Variants in SNX29 observed in about 807,000 individuals in gnomAD.
SNX29 encodes the protein sorting nexin-29.
A neutral mutation model predicts 102.1 loss-of-function variants in SNX29; 78 were observed. The ratio of observed to expected loss-of-function variants is 0.76; its 90% CI spans 0.64 to 0.92. SNX29 has a LOEUF of 0.92. SNX29 is among the 40% of genes least tolerant of loss of function. SNX29 has a pLI of 0.00. For synonymous variants in SNX29, 580 were observed against 414.5 expected (o/e 1.40, Z -4.85); for missense variants, 1,280 against 1,061.7 (o/e 1.21, Z -2.86).
At chr16:12,427,916 A>C (rs2151615293) in intron 18 of SNX29, among the ~76,000 whole-genome samples, 1 of 152,196 alleles carries the variant, frequency 6.6e-6, no homozygotes, top group Non-Finnish European at 1.5e-5. Context: ...AAGCACTTAA[A>C]CTCCAATTTA....
chr16:12,511,664 T>G (rs2089626587), intron 19 of SNX29, among the ~76,000 whole-genome samples: 1 of 152,176 alleles, frequency 6.6e-6, no homozygotes, highest in Non-Finnish European at 1.5e-5. Context: ...GTTCTAACAT[T>G]TAGCAGTTTA....
At chr16:12,458,290 C>G (rs1336594419) in intron 18 of SNX29, among the ~76,000 whole-genome samples, 1 of 152,072 alleles carries the variant, frequency 6.6e-6, no homozygotes, top group Non-Finnish European at 1.5e-5. Context: ...TTATTTAAAA[C>G]CTCTTAAATG....
chr16:12,314,694 T>G (rs892283605), intron 15 of SNX29, among the ~76,000 whole-genome samples: 10 of 152,268 alleles, frequency 6.6e-5, no homozygotes, highest in Admixed American at 5.2e-4. Flanking sequence ...ATTCTACAGC[T>G]TGGTGGATTT....
At chr16:12,239,158 TGAAG>T (rs1747178347) in intron 14 of SNX29, among the ~76,000 whole-genome samples, 1 of 152,192 alleles carries the variant, frequency 6.6e-6, no homozygotes, top group South Asian at 2.1e-4. Context: ...GCTTCTGTGA[TGAAG>T]GAAGAAGGAG....
intron 8 of SNX29, among the ~76,000 whole-genome samples, chr16:12,058,635 A>G (rs1331862357): frequency 6.6e-6 from 1 of 150,966 alleles, no homozygotes; most frequent in Admixed American, 6.6e-5. Flanking sequence ...CTGGGATTAC[A>G]AGCACCCACC....
chr16:12,004,426 G>T (rs1281113884), intron 3 of SNX29, among the ~76,000 whole-genome samples: 1 of 152,102 alleles, frequency 6.6e-6, no homozygotes, highest in African/African-American at 2.4e-5. Context: ...GATAACATTG[G>T]CTGGAAGGAG....
intron 3 of SNX29, among the ~76,000 whole-genome samples, chr16:12,004,256 G>A (rs1002624650): frequency 2.7e-5 from 4 of 150,004 alleles, no homozygotes; most frequent in Non-Finnish European, 4.4e-5. Context: ...CAGGAGAATT[G>A]CCTAAATCCA....
At chr16:12,081,875 A>G (rs1028724908) in intron 11 of SNX29, 1 of 152,752 alleles carries the variant, frequency 6.5e-6, no homozygotes, top group Non-Finnish European at 1.5e-5. Flanking sequence ...CCTTGGTCCT[A>G]TGCAAAGGCA....
At chr16:12,426,210 T>A (rs186697164) in intron 18 of SNX29, among the ~76,000 whole-genome samples, 1 of 152,200 alleles carries the variant, frequency 6.6e-6, no homozygotes, top group Non-Finnish European at 1.5e-5. Flanking sequence ...AAGTTTATTA[T>A]TCATCTGTTT....
intron 4 of SNX29, chr16:12,038,838 G>A (rs1270391550): frequency 6.6e-5 from 10 of 152,182 alleles, no homozygotes; most frequent in African/African-American, 9.7e-5. Context: ...AATGGTCTGG[G>A]GTATTTCGAA....
intron 20 of SNX29, chr16:12,526,615 G>T (rs140366721): frequency 3.8e-6 from 2 of 532,766 alleles, no homozygotes; most frequent in South Asian, 1.5e-5. Flanking sequence ...TCCTCTTAGC[G>T]GCATCCCCAT....
chr16:12,402,028 C>G (rs1199721759), intron 17 of SNX29, among the ~76,000 whole-genome samples: 1 of 152,158 alleles, frequency 6.6e-6, no homozygotes, highest in Non-Finnish European at 1.5e-5. Flanking sequence ...TGCCTTGTAG[C>G]CTGACACAGA....
intron 14 of SNX29, among the ~76,000 whole-genome samples, chr16:12,243,487 G>A (rs532769247): frequency 9.6e-4 from 146 of 152,318 alleles, no homozygotes; most frequent in Non-Finnish European, 1.6e-3. Context: ...TCAGTACCGT[G>A]TGAGATTGTT....
intron 2 of SNX29, among the ~76,000 whole-genome samples, chr16:12,000,866 A>T (rs2056262641): frequency 6.6e-6 from 1 of 152,154 alleles, no homozygotes; most frequent in South Asian, 2.1e-4. Context: ...CTCCCTGAGC[A>T]GCTCTCTGCT....
chr16:12,298,943 T>G (rs1416121301), intron 15 of SNX29, among the ~76,000 whole-genome samples: 2 of 151,734 alleles, frequency 1.3e-5, no homozygotes, highest in Non-Finnish European at 2.9e-5. Context: ...TTATCCATTT[T>G]CATAATAATG....
intron 1 of SNX29, among the ~76,000 whole-genome samples, chr16:11,987,522 G>A (rs1249086579): frequency 6.6e-6 from 1 of 150,662 alleles, no homozygotes; most frequent in Non-Finnish European, 1.5e-5. Context: ...TTAGACTCCC[G>A]AGTAGCTGGG....
chr16:12,348,999 C>T (rs1352297475), intron 15 of SNX29, among the ~76,000 whole-genome samples: 2 of 152,200 alleles, frequency 1.3e-5, no homozygotes, highest in Non-Finnish European at 2.9e-5. Context: ...AGAACACTTC[C>T]CCATTCCTCA....
intron 16 of SNX29, chr16:12,375,042 C>T (rs2082822016): frequency 6.6e-6 from 1 of 152,186 alleles, no homozygotes; most frequent in East Asian, 1.9e-4. Flanking sequence ...CATAGTGAGA[C>T]CCTGTCTTAA....
chr16:11,985,240 C>T (rs149880386), intron 1 of SNX29, among the ~76,000 whole-genome samples: 4 of 152,222 alleles, frequency 2.6e-5, no homozygotes, highest in East Asian at 3.9e-4. Context: ...GTTCAACATT[C>T]AGCAAACATT....
Sources: gnomAD v4.1 joint callset for allele counts (sites outside exome capture counted in the v4.1 genomes callset) on GRCh38, gnomAD v4.1.1 for gene constraint, MANE v1.5 for transcripts, NCBI Gene and HGNC (gene_info 2026-07-23, HGNC 2026-07-21) for gene names.